DUS4L: variants seen among roughly 807,000 people sequenced by gnomAD.
DUS4L encodes dihydrouridine synthase 4 like, also known as tRNA-dihydrouridine(20a/20b) synthase [NAD(P)+]-like.
Under a neutral mutation model 33.8 loss-of-function variants are expected in DUS4L, and 31 were observed. The observed-to-expected ratio is 0.92, with a 90% confidence interval of 0.69 to 1.24. The LOEUF is 1.24. DUS4L is among the 50% of genes most tolerant of loss of function. The probability of loss-of-function intolerance (pLI) is 0.00; values close to 1 mark genes in which losing one functional copy is unlikely to be tolerated. For missense variants in DUS4L, 368 were observed against 388.6 expected, an observed-to-expected ratio of 0.95 and a Z score of 0.45; for synonymous variants, 103 against 120.3, an observed-to-expected ratio of 0.86 and a Z score of 0.94.
chr7:107,576,548 G>A lies in DUS4L; in HGVS notation c.662G>A (p.Ser221Asn), dbSNP rs145247304. The change falls in exon 7 of 8, where the codon AGC (serine) becomes AAC (asparagine). Residue 221 changes from serine to asparagine, a missense_variant. By Grantham distance (46) the Ser-to-Asn change is conservative. Coordinates refer to ENST00000265720, the MANE Select transcript of DUS4L (RefSeq NM_181581.3). ...GTAATTGCTAATGGAGACATCAGAA[G>A]CTTAAAGGAAGCAGAAAATGTGTGG... ...IPVIANGDIR[S>N]LKEAENVWRI... 4.4e-6 allele frequency: 7 copies of A among 1,594,648 alleles called. No individual in the cohort carries two copies. The African/African-American group carries it at 9.5e-5, about 22-fold the overall frequency.
At chr7:107,576,296 T>G in intron 6 of DUS4L, 70 bp from the exon 7 acceptor site, 1 of 1,404,436 alleles carries the variant, frequency 7.1e-7, no homozygotes. Context: ...TGAAATACCA[T>G]TTTAGTCAGT....
chr7:107,573,862 G>C, intron 5 of DUS4L, 41 bp downstream of exon 5: 1 of 1,442,468 alleles, frequency 6.9e-7, no homozygotes, highest in Non-Finnish European at 9.2e-7. Flanking sequence ...CAAAAGAGTA[G>C]AAAAAAAACT....
At chr7:107,576,151 GT>G (rs938355473) in intron 6 of DUS4L, among the ~76,000 whole-genome samples, 1 of 152,200 alleles carries the variant, frequency 6.6e-6, no homozygotes, top group Admixed American at 6.5e-5. Context: ...GATAAAACTT[GT>G]TTTTTGTCCT....
At chr7:107,572,017 CTT>C (rs74977605) in intron 4 of DUS4L, among the ~76,000 whole-genome samples, 16 of 142,576 alleles carry the variant, frequency 1.1e-4, no homozygotes, top group South Asian at 4.5e-4. Flanking sequence ...AGCCATGAAT[CTT>C]TTTTTTTTTT....
chr7:107,565,330 T>C (rs1281287118), intron 2 of DUS4L, among the ~76,000 whole-genome samples: 1 of 152,252 alleles, frequency 6.6e-6, no homozygotes, highest in Admixed American at 6.5e-5. Flanking sequence ...CTTTGGAATC[T>C]TTGGATTTAC....
chr7:107,577,467 A>T lies in DUS4L; in HGVS notation c.861A>T (p.Glu287Asp). The change falls in exon 8 of 8, where the codon GAA (glutamate) becomes GAT (aspartate). Residue 287 changes from glutamate to aspartate, a missense_variant. Glu to Asp is a conservative substitution (Grantham distance 45). Coordinates refer to ENST00000265720, the MANE Select transcript of DUS4L (RefSeq NM_181581.3). ...ATCAACATTTAATGTACATGATGGA[A>T]AAGATAACTTCAAGGCAGGAAAAAA... ...CFHQHLMYMM[E>D]KITSRQEKRV... The T allele has an allele frequency of 6.2e-7, 1 of 1,614,186 alleles. No individual in the cohort carries two copies. Among genetic ancestry groups the T allele is most frequent in the Non-Finnish European group, 8.5e-7 (1 of 1,180,022 alleles).
intron 4 of DUS4L, among the ~76,000 whole-genome samples, 170 bp downstream of exon 4, chr7:107,571,436 A>G (rs1270523256): frequency 6.6e-6 from 1 of 152,212 alleles, no homozygotes; most frequent in African/African-American, 2.4e-5. Flanking sequence ...CTTGCAAACT[A>G]TCAGTGTATA....
chr7:107,568,006 A>T (rs1804872407), intron 3 of DUS4L: 1 of 217,606 alleles, frequency 4.6e-6, no homozygotes, highest in African/African-American at 2.4e-5. Context: ...ATAATATTCC[A>T]TTTTATGTAT....
At chr7:107,571,322 T>C in intron 4 of DUS4L, 56 bp downstream of exon 4, 2 of 1,562,468 alleles carry the variant, frequency 1.3e-6, no homozygotes, top group Admixed American at 2.1e-5. Flanking sequence ...GTTTACAAAC[T>C]CAACTATCTT....
intron 5 of DUS4L, chr7:107,574,948 T>G: frequency 2.0e-6 from 1 of 509,156 alleles, no homozygotes. Context: ...GAATGACTTT[T>G]AACTTAATAT....
chr7:107,568,527 ATTTG>A (rs1295202975), intron 3 of DUS4L, among the ~76,000 whole-genome samples: 23 of 151,998 alleles, frequency 1.5e-4, no homozygotes, highest in African/African-American at 4.8e-4. Context: ...GCTTTTGTCC[ATTTG>A]TTTGTTTTCT....
Position 107,573,676 on chromosome 7 carries a change from T to C in DUS4L, c.239-28T>C, listed in dbSNP as rs747190745. On this transcript the variant is annotated intron_variant, in intron 4 of 7. Transcript: ENST00000265720. ...GTGCATGGGGTTTTTTCCTGTGAATTTTAATGTTGAGCTATTCATTTTGTC... is the reference window on the plus strand; with the variant it reads ...GTGCATGGGGTTTTTTCCTGTGAATCTTAATGTTGAGCTATTCATTTTGTC... The C allele has an allele frequency of 5.6e-6, 9 of 1,595,544 alleles. No homozygotes were observed. The East Asian group carries it at 1.8e-4, about 32-fold the overall frequency.
chr7:107,566,942 G>A, intron 2 of DUS4L, 108 bp from the exon 3 acceptor site: 1 of 729,258 alleles, frequency 1.4e-6, no homozygotes, highest in Non-Finnish European at 2.1e-6. Flanking sequence ...AAATTTCTGA[G>A]CCCACAAGCC....
At chr7:107,576,640 A>G in intron 7 of DUS4L, 48 bp downstream of exon 7, 2 of 1,462,886 alleles carry the variant, frequency 1.4e-6, no homozygotes, top group Non-Finnish European at 1.9e-6. Context: ...GGAAGAAATG[A>G]GAGTGGGGAA....
At chr7:107,567,024 C>G (rs371705355) in intron 2 of DUS4L, 26 bp from the exon 3 acceptor site, 1 of 1,455,900 alleles carries the variant, frequency 6.9e-7, no homozygotes, top group African/African-American at 1.4e-5. Context: ...CATATTTTCT[C>G]TATACAAGCT....
chr7:107,574,584 C>T (rs1248542435), intron 5 of DUS4L, among the ~76,000 whole-genome samples: 2 of 152,110 alleles, frequency 1.3e-5, no homozygotes, highest in Non-Finnish European at 2.9e-5. Context: ...GTGATCCGCC[C>T]GCCTTGGCCT....
At chr7:107,568,205 G>A (rs929141351) in intron 3 of DUS4L, among the ~76,000 whole-genome samples, 7 of 152,162 alleles carry the variant, frequency 4.6e-5, no homozygotes. Flanking sequence ...GTACCCAGAT[G>A]TAGAATTGCT....
Position 107,577,360 on chromosome 7 carries a change from G to A in DUS4L, c.754G>A (p.Gly252Arg). The change falls in exon 8 of 8, where the codon GGA becomes AGA. Residue 252 changes from glycine to arginine, a missense_variant. Gly to Arg is a moderately radical substitution (Grantham distance 125, BLOSUM62 -2). Coordinates refer to ENST00000265720, the MANE Select transcript of DUS4L (RefSeq NM_181581.3). ...CTTAGCAAACCCGGCCATGTTTGCT[G>A]GATATGAGGAAACCCCACTGAAATG... ...GLLANPAMFAGYEETPLKCIW... is the reference protein window; with the variant it reads ...GLLANPAMFARYEETPLKCIW... 6.2e-7 allele frequency: 1 copy of A among 1,614,096 alleles called. No individual in the cohort carries two copies. The highest frequency in any genetic ancestry group is 1.1e-5 in the South Asian group (1 of 91,074).
At chr7:107,577,246 A>G (rs1805833574) in intron 7 of DUS4L, 67 bp from the exon 8 acceptor site, 2 of 1,582,006 alleles carry the variant, frequency 1.3e-6, no homozygotes, top group Non-Finnish European at 1.7e-6. Flanking sequence ...TGTTTGCTTC[A>G]TTGAGCTTGA....
Sources: gnomAD v4.1 joint callset for allele counts (sites outside exome capture counted in the v4.1 genomes callset) on GRCh38, gnomAD v4.1.1 for gene constraint, MANE v1.5 for transcripts, NCBI Gene and HGNC (gene_info 2026-07-23, HGNC 2026-07-21) for gene names.